The following COL5A2 variants were observed in gnomAD, a reference collection of about 807,000 sequenced individuals.
The protein encoded by COL5A2 is collagen type V alpha 2 chain.
COL5A2 carries 23 observed loss-of-function variants against 208.2 expected under a neutral mutation model. The observed-to-expected ratio is 0.11, with a 90% CI of 0.08 to 0.16. COL5A2 has a LOEUF of 0.16. COL5A2 is among the 10% of genes least tolerant of loss of function. COL5A2 has a pLI of 1.00. For synonymous variants in COL5A2, 625 were observed against 628.5 expected, an observed-to-expected ratio of 0.99 and a Z score of 0.08; for missense variants, 1,590 against 1,956.4, an observed-to-expected ratio of 0.81 and a Z score of 3.53.
At chr2:189,311,531 AT>A in the COL5A2 span, 1 of 1,208,834 alleles carries the variant, frequency 8.3e-7, no homozygotes. Flanking sequence ...GTGCAGCAGG[AT>A]CCTGTTGAGC....
chr2:189,371,200 G>A, the COL5A2 span, among the ~76,000 whole-genome samples: 1 of 152,128 alleles, frequency 6.6e-6, no homozygotes, highest in African/African-American at 2.4e-5. Context: ...GCAGATGCTA[G>A]TGCCATGCTT....
At chr2:189,093,622 A>T (rs6434323) in intron 6 of COL5A2, among the ~76,000 whole-genome samples, 2 of 152,028 alleles carry the variant, frequency 1.3e-5, no homozygotes, top group Admixed American at 1.3e-4. Flanking sequence ...CAAACAAGCA[A>T]ATTTATCTAT....
intron 17 of COL5A2, 71 bp from the exon 18 acceptor site, chr2:189,072,164 T>G: frequency 9.4e-7 from 1 of 1,068,320 alleles, no homozygotes; most frequent in South Asian, 1.4e-5. Context: ...TTTTTTAGAG[T>G]TTGGCGTCAT....
the COL5A2 span, among the ~76,000 whole-genome samples, chr2:189,359,607 C>T: frequency 6.6e-6 from 1 of 152,284 alleles, no homozygotes; most frequent in African/African-American, 2.4e-5. Context: ...GTATTCCCGC[C>T]TCTTCAACTT....
rs552964185 is a variant in COL5A2, at chr2:189,145,621, T to C, written c.97+33887A>G. Among the ~76,000 whole-genome samples the C allele has an allele frequency of 1.4e-4, 21 of 152,150 alleles. No individual in the cohort carries two copies. The South Asian group carries it at 3.3e-3, about 24-fold the overall frequency. On this transcript the variant is annotated intron_variant, in intron 1 of 53. Transcript: ENST00000374866. ...ATCATTCTGGGCTCTTTAAAAACTA[T>C]GGCCAATTAATGAGCTGAAGAAGAT...
At chr2:189,368,281 T>G in the COL5A2 span, among the ~76,000 whole-genome samples, 1 of 152,220 alleles carries the variant, frequency 6.6e-6, no homozygotes, top group Non-Finnish European at 1.5e-5. Context: ...TTTCATTCAA[T>G]CCCTCTGAGT....
chr2:189,405,393 G>T, the COL5A2 span, among the ~76,000 whole-genome samples: 3 of 151,780 alleles, frequency 2.0e-5, no homozygotes, highest in African/African-American at 7.3e-5. Flanking sequence ...TATGACACCC[G>T]GCTAATTTTT....
the COL5A2 span, among the ~76,000 whole-genome samples, chr2:189,301,266 AC>A: frequency 6.6e-6 from 1 of 152,146 alleles, no homozygotes; most frequent in Non-Finnish European, 1.5e-5. Flanking sequence ...AAAGGTAAAT[AC>A]AAATGTAATA....
At chr2:189,224,964 T>C (rs1689394333) in intron 1 of COL5A2, among the ~76,000 whole-genome samples, 1 of 152,118 alleles carries the variant, frequency 6.6e-6, no homozygotes, top group Admixed American at 6.6e-5. Context: ...ACAGCAGGCA[T>C]GTCACGAAAG....
the COL5A2 span, among the ~76,000 whole-genome samples, chr2:189,398,004 CA>C: frequency 2.0e-5 from 3 of 152,012 alleles, no homozygotes; most frequent in African/African-American, 4.8e-5. Context: ...GCATTCAGTT[CA>C]AAATGTTTTC....
intron 1 of COL5A2, among the ~76,000 whole-genome samples, chr2:189,176,932 C>T (rs891217020): frequency 6.6e-6 from 1 of 152,166 alleles, no homozygotes; most frequent in East Asian, 1.9e-4. Flanking sequence ...TCTTAAAACT[C>T]AGTGAGAATG....
chr2:189,184,664 A>G (rs1688824354), upstream of COL5A2, among the ~76,000 whole-genome samples: 2 of 152,216 alleles, frequency 1.3e-5, no homozygotes, highest in African/African-American at 4.8e-5. Context: ...GGACTTTTAC[A>G]GACCCATGTG....
At chr2:189,173,625 T>A (rs1160114940) in intron 1 of COL5A2, among the ~76,000 whole-genome samples, 2 of 152,284 alleles carry the variant, frequency 1.3e-5, no homozygotes, top group East Asian at 3.9e-4. Context: ...AGATTATCAG[T>A]ATCTTCCTGA....
At chr2:189,150,167 A>T (rs1688116721) in intron 1 of COL5A2, among the ~76,000 whole-genome samples, 1 of 152,202 alleles carries the variant, frequency 6.6e-6, no homozygotes, top group African/African-American at 2.4e-5. Context: ...TCAAACTAAC[A>T]GGCTCACAGT....
chr2:189,248,851 A>G, the COL5A2 span, among the ~76,000 whole-genome samples: 1 of 152,134 alleles, frequency 6.6e-6, no homozygotes, highest in African/African-American at 2.4e-5. Flanking sequence ...TGTTCATTTC[A>G]TTCTTGGTCA....
At chr2:189,278,466 C>A in the COL5A2 span, among the ~76,000 whole-genome samples, 1 of 152,018 alleles carries the variant, frequency 6.6e-6, no homozygotes, top group Non-Finnish European at 1.5e-5. Flanking sequence ...AAGCATACTT[C>A]TTGGAAGAAA....
the COL5A2 span, among the ~76,000 whole-genome samples, chr2:189,270,902 C>CTACAAAGAGAATTGCT: frequency 6.6e-6 from 1 of 152,088 alleles, no homozygotes. Flanking sequence ...AACTCTCATT[C>CTACAAAGAGAATTGCT]ACAATTGCTA....
chr2:189,321,922 T>C, the COL5A2 span, among the ~76,000 whole-genome samples: 2 of 152,182 alleles, frequency 1.3e-5, no homozygotes, highest in Non-Finnish European at 2.9e-5. Context: ...ACCACATAGT[T>C]GGAAGTAAAG....
intron 17 of COL5A2, among the ~76,000 whole-genome samples, chr2:189,075,066 T>C (rs982867654): frequency 6.6e-6 from 1 of 152,320 alleles, no homozygotes; most frequent in South Asian, 2.1e-4. Flanking sequence ...CTGAGCCCAC[T>C]GTGTTTTGTC....
Sources: allele counts gnomAD v4.1 joint callset (sites outside exome capture counted in the v4.1 genomes callset), GRCh38; gene constraint gnomAD v4.1.1; transcripts MANE v1.5; gene names NCBI Gene and HGNC (gene_info 2026-07-23, HGNC 2026-07-21).